TBC1D32: variants seen among roughly 807,000 people sequenced by gnomAD.
TBC1D32 encodes the protein TBC1 domain family member 32, also known as protein broad-minded.
In TBC1D32, 151 loss-of-function variants were observed where a neutral mutation model predicts 170.3. The ratio of observed to expected loss-of-function variants is 0.89; its 90% CI spans 0.78 to 1.01. The LOEUF is 1.01. Among genes scored for constraint, TBC1D32 ranks in the 50% least tolerant of loss-of-function variants. The pLI is 0.00. For synonymous variants in TBC1D32, 498 were observed against 488.0 expected, an observed-to-expected ratio of 1.02 and a Z score of -0.27; for missense variants, 1,464 against 1,457.1, an observed-to-expected ratio of 1.00 and a Z score of -0.08.
At chr6:121,213,273 G>T (rs1016985884) in intron 21 of TBC1D32, among the ~76,000 whole-genome samples, 2 of 151,972 alleles carry the variant, frequency 1.3e-5, no homozygotes, top group East Asian at 3.9e-4. Context: ...CCTGTTTGCA[G>T]ACGGCATGAT....
chr6:121,150,316 T>A (rs1259997282), intron 24 of TBC1D32, among the ~76,000 whole-genome samples: 4 of 152,238 alleles, frequency 2.6e-5, no homozygotes, highest in Non-Finnish European at 5.9e-5. Context: ...TTTATTGATT[T>A]GCATATGTTG....
At chr6:121,186,749 A>G (rs1398945059) in intron 22 of TBC1D32, among the ~76,000 whole-genome samples, 1 of 152,126 alleles carries the variant, frequency 6.6e-6, no homozygotes, top group Non-Finnish European at 1.5e-5. Flanking sequence ...CTAAAGTAAC[A>G]AAGAAGAAAT....
intron 19 of TBC1D32, among the ~76,000 whole-genome samples, chr6:121,241,197 T>C (rs1002706638): frequency 6.6e-6 from 1 of 152,150 alleles, no homozygotes; most frequent in Admixed American, 6.5e-5. Flanking sequence ...ATTAAGTACG[T>C]TTCTCCTGAG....
chr6:121,246,296 G>A (rs970396254), intron 17 of TBC1D32, among the ~76,000 whole-genome samples: 8 of 152,004 alleles, frequency 5.3e-5, no homozygotes, highest in East Asian at 1.9e-4. Context: ...AAATCACACC[G>A]ACTCTTCAAC....
chr6:121,250,522 G>A (rs578228659), intron 17 of TBC1D32, among the ~76,000 whole-genome samples: 28 of 152,172 alleles, frequency 1.8e-4, no homozygotes, highest in Admixed American at 5.2e-4. Flanking sequence ...AAAGGCCTTC[G>A]ATAAAATTCA....
intron 25 of TBC1D32, chr6:121,129,970 A>G (rs1249872838): frequency 2.4e-6 from 1 of 415,750 alleles, no homozygotes; most frequent in Non-Finnish European, 4.6e-6. Flanking sequence ...TACAAGAGCA[A>G]AATAAAAAGA....
intron 3 of TBC1D32, among the ~76,000 whole-genome samples, chr6:121,313,105 GGTGTGT>G (rs71018125): frequency 0.1 from 11,246 of 110,598 alleles, 717 homozygotes; most frequent in Non-Finnish European, 0.12. Flanking sequence ...AAGCTAAGGT[GGTGTGT>G]GTGTGTGTGT....
At chr6:121,332,736 T>A (rs1471166901) in intron 1 of TBC1D32, among the ~76,000 whole-genome samples, 1 of 152,170 alleles carries the variant, frequency 6.6e-6, no homozygotes, top group Non-Finnish European at 1.5e-5. Flanking sequence ...TTGAAAAAGT[T>A]CTAATTTTTC....
intron 20 of TBC1D32, among the ~76,000 whole-genome samples, chr6:121,227,733 T>G (rs565382303): frequency 6.6e-6 from 1 of 152,234 alleles, no homozygotes; most frequent in South Asian, 2.1e-4. Context: ...TAAAAAAACA[T>G]TCTGTCCATA....
intron 22 of TBC1D32, among the ~76,000 whole-genome samples, chr6:121,185,843 C>T (rs1292693050): frequency 1.3e-5 from 2 of 151,994 alleles, no homozygotes; most frequent in African/African-American, 4.8e-5. Flanking sequence ...TTATGATGTG[C>T]CCTAGCTCCC....
intron 21 of TBC1D32, among the ~76,000 whole-genome samples, chr6:121,221,571 T>C (rs1353049008): frequency 6.6e-6 from 1 of 152,186 alleles, no homozygotes; most frequent in Non-Finnish European, 1.5e-5. Context: ...GGCCAAAATA[T>C]CAACATTAAC....
intron 21 of TBC1D32, among the ~76,000 whole-genome samples, chr6:121,220,988 C>T (rs4412234): frequency 0.64 from 97,310 of 151,834 alleles, 36,691 homozygotes; most frequent in Non-Finnish European, 0.84. Flanking sequence ...GAAGAAGATA[C>T]CGTCTAGGAT....
chr6:121,263,221 A>AAC (rs1287087094), intron 15 of TBC1D32, among the ~76,000 whole-genome samples: 2 of 127,392 alleles, frequency 1.6e-5, no homozygotes, highest in East Asian at 2.6e-4. Flanking sequence ...CTCAAAAAAC[A>AAC]AAACAAAAAA....
intron 21 of TBC1D32, among the ~76,000 whole-genome samples, chr6:121,205,488 T>C (rs2128304956): frequency 6.6e-6 from 1 of 152,286 alleles, no homozygotes; most frequent in African/African-American, 2.4e-5. Flanking sequence ...GAGCACCTTA[T>C]ACCATCAGTT....
chr6:121,261,730 A>G (rs1464290327), intron 15 of TBC1D32, among the ~76,000 whole-genome samples: 1 of 152,186 alleles, frequency 6.6e-6, no homozygotes, highest in Non-Finnish European at 1.5e-5. Context: ...TTTTCCTCCA[A>G]ATGATCACAA....
chr6:121,103,591 G>C (rs554351901), intron 30 of TBC1D32, among the ~76,000 whole-genome samples: 13 of 111,584 alleles, frequency 1.2e-4, no homozygotes, highest in African/African-American at 3.1e-4. Context: ...TTGTAGGGAG[G>C]GGGGAGGGGG....
At position 121,304,353 on chromosome 6, in the gene TBC1D32, GA is replaced by G. The variant is rs774570768; in HGVS notation, c.935+11del. Reference sequence around the variant, plus strand: ...TAGGTTTTATGCTGGCATACATTGGGAGGGGACTTACTTCTCTGGATGACGA... The same window carrying G: ...TAGGTTTTATGCTGGCATACATTGGGGGGGACTTACTTCTCTGGATGACGA... On this transcript the variant is annotated intron_variant, in intron 8 of 31. Coordinates refer to ENST00000398212, the MANE Select transcript of TBC1D32 (RefSeq NM_152730.6). 6 of 1,612,632 alleles carry G rather than the reference GA, an allele frequency of 3.7e-6. No homozygotes were observed. The African/African-American group carries it at 8.0e-5, about 22-fold the overall frequency.
At chr6:121,307,754 A>G (rs1807550120) in intron 5 of TBC1D32, among the ~76,000 whole-genome samples, 1 of 151,982 alleles carries the variant, frequency 6.6e-6, no homozygotes, top group African/African-American at 2.4e-5. Context: ...CCAGCTACTC[A>G]GGAGGCTGAG....
chr6:121,081,969 A>T (rs1252787807), intron 31 of TBC1D32, among the ~76,000 whole-genome samples: 1 of 152,082 alleles, frequency 6.6e-6, no homozygotes, highest in Non-Finnish European at 1.5e-5. Context: ...ATTACAGCTG[A>T]AGAAATGAAA....
Sources: gnomAD v4.1 joint callset for allele counts (sites outside exome capture counted in the v4.1 genomes callset) on GRCh38, gnomAD v4.1.1 for gene constraint, MANE v1.5 for transcripts, NCBI Gene and HGNC (gene_info 2026-07-23, HGNC 2026-07-21) for gene names.